The following MEP1A variants were observed in gnomAD, a reference collection of about 807,000 sequenced individuals.
MEP1A encodes meprin A subunit alpha.
In MEP1A, 68 loss-of-function variants were observed where a neutral mutation model predicts 84.5. The observed-to-expected ratio is 0.80, with a 90% CI of 0.66 to 0.98. The LOEUF (loss-of-function observed/expected upper bound fraction) is 0.98, where lower values mean the gene tolerates loss of function less well. MEP1A is among the 50% of genes least tolerant of loss of function. The pLI, the probability that MEP1A is intolerant of heterozygous loss-of-function variation, is 0.00. For synonymous variants in MEP1A, 337 were observed against 336.8 expected, an observed-to-expected ratio of 1.00 and a Z score of -0.01; for missense variants, 887 against 919.9, an observed-to-expected ratio of 0.96 and a Z score of 0.46.
At chr6:46,799,049 G>A (rs1581662523) in intron 4 of MEP1A, 57 bp from the exon 5 acceptor site, 20 of 1,063,198 alleles carry the variant, frequency 1.9e-5, no homozygotes, top group Non-Finnish European at 2.6e-5. Context: ...TGAAGGAGGA[G>A]GTCAAGGTGA....
chr6:46,808,250 G>A (rs1767410798), intron 5 of MEP1A, among the ~76,000 whole-genome samples: 1 of 151,972 alleles, frequency 6.6e-6, no homozygotes, highest in South Asian at 2.1e-4. Flanking sequence ...AAATCTCCCA[G>A]CAGATGTAAT....
rs149605489 is a variant in MEP1A, at chr6:46,834,726, C to T, written c.1758C>T (p.Asp586=). 3,249 of 1,610,820 alleles carry T rather than the reference C, an allele frequency of 2.0e-3. 14 individuals carry two copies. In the Middle Eastern group the frequency reaches 0.026, roughly 13 times the overall value. The part of the protein sequence containing the change: ...LKRRSFLKND[D]LIIFVDFEDI... ...GGAGGAGTTTCCTGAAAAATGATGA[C>T]CTCATCATATTTGTGGACTTTGAAG... The change falls in exon 12 of 14, where the codon GAC becomes GAT. Residue 586 remains aspartate (D), a synonymous_variant. Coordinates refer to ENST00000230588, the MANE Select transcript of MEP1A (RefSeq NM_005588.3).
intron 3 of MEP1A, among the ~76,000 whole-genome samples, chr6:46,797,908 T>G (rs1767097073): frequency 1.7e-5 from 1 of 57,804 alleles, no homozygotes. Context: ...CCTTCCTTCC[T>G]TCCTTCCTTC....
chr6:46,810,227 A>G (rs1176820183), intron 6 of MEP1A, among the ~76,000 whole-genome samples: 2 of 152,016 alleles, frequency 1.3e-5, no homozygotes, highest in Non-Finnish European at 2.9e-5. Flanking sequence ...GTAATGTTGA[A>G]CATGTTTTCA....
chr6:46,805,066 C>A (rs1767284297), intron 5 of MEP1A, among the ~76,000 whole-genome samples: 1 of 151,830 alleles, frequency 6.6e-6, no homozygotes, highest in Non-Finnish European at 1.5e-5. Context: ...TATATCACAG[C>A]TTGTTTAATC....
chr6:46,828,850 A>G (rs1443851402), intron 9 of MEP1A, among the ~76,000 whole-genome samples: 1 of 152,136 alleles, frequency 6.6e-6, no homozygotes, highest in Non-Finnish European at 1.5e-5. Flanking sequence ...AGTAAAGATT[A>G]CTTTTTTGCC....
At chr6:46,812,508 G>A (rs994818771) in intron 6 of MEP1A, among the ~76,000 whole-genome samples, 2 of 151,676 alleles carry the variant, frequency 1.3e-5, no homozygotes, top group Admixed American at 6.6e-5. Context: ...TCTTATGCTG[G>A]GTTTGGATTT....
chr6:46,816,016 A>G (rs1767625544), intron 6 of MEP1A, among the ~76,000 whole-genome samples: 1 of 151,926 alleles, frequency 6.6e-6, no homozygotes, highest in Non-Finnish European at 1.5e-5. Context: ...GGCTCACTGG[A>G]ACCTCCATCT....
chr6:46,823,554 G>C (rs1029791704), intron 7 of MEP1A, among the ~76,000 whole-genome samples: 1 of 152,226 alleles, frequency 6.6e-6, no homozygotes, highest in African/African-American at 2.4e-5. Flanking sequence ...AGAGGTTGCA[G>C]TGAGCTGAGA....
At chr6:46,838,335 G>T (rs1203508346) in intron 13 of MEP1A, among the ~76,000 whole-genome samples, 3 of 152,136 alleles carry the variant, frequency 2.0e-5, no homozygotes, top group Non-Finnish European at 4.4e-5. Flanking sequence ...TTGGTTATGA[G>T]ATTAGTTGAT....
chr6:46,813,420 GCCT>G, intron 6 of MEP1A, among the ~76,000 whole-genome samples: 1 of 151,988 alleles, frequency 6.6e-6, no homozygotes, highest in Non-Finnish European at 1.5e-5. Flanking sequence ...AGCATTAAAT[GCCT>G]ACATCAAAAG....
intron 5 of MEP1A, among the ~76,000 whole-genome samples, chr6:46,805,683 T>C (rs1023391627): frequency 1.3e-5 from 2 of 152,024 alleles, no homozygotes; most frequent in African/African-American, 2.4e-5. Flanking sequence ...TTTCTCTAGT[T>C]GTTTTCAATA....
At chr6:46,818,675 C>T (rs1213465960) in intron 6 of MEP1A, among the ~76,000 whole-genome samples, 2 of 152,288 alleles carry the variant, frequency 1.3e-5, no homozygotes, top group African/African-American at 4.8e-5. Flanking sequence ...GCCTGATACC[C>T]TTCAGAAATA....
At chr6:46,835,651 C>T (rs539858322) in intron 13 of MEP1A, 102 bp downstream of exon 13, 5 of 1,215,860 alleles carry the variant, frequency 4.1e-6, no homozygotes, top group East Asian at 5.0e-5. Flanking sequence ...GCGAAGACTA[C>T]CTCAGATGGT....
intron 6 of MEP1A, among the ~76,000 whole-genome samples, chr6:46,818,310 C>T (rs1265734333): frequency 6.6e-6 from 1 of 151,926 alleles, no homozygotes; most frequent in Non-Finnish European, 1.5e-5. Context: ...ATCTGTTAGC[C>T]TTTGAAGGTA....
chr6:46,833,149 G>A lies in MEP1A; in HGVS notation c.1220G>A (p.Gly407Asp). Residue 407 changes from glycine to aspartate, a missense_variant, in exon 11 of 14, where the codon GGC becomes GAC. Physicochemically the swap from Gly to Asp is moderately conservative, Grantham distance 94. Transcript: ENST00000230588. ...CAGAAGTTTCGCTACCTTTTCCAGG[G>A]CACAAAAGGCGACCCTCAGAACTCA... ...EEQKFRYLFQ[G>D]TKGDPQNSTG... The A allele has an allele frequency of 6.3e-7, 1 of 1,581,500 alleles. No individual in the cohort carries two copies. Among genetic ancestry groups the A allele is most frequent in the Non-Finnish European group, 8.6e-7 (1 of 1,168,102 alleles).
intron 11 of MEP1A, among the ~76,000 whole-genome samples, chr6:46,834,308 G>A (rs9369641): frequency 0.7 from 106,930 of 151,768 alleles, 38,668 homozygotes; most frequent in African/African-American, 0.86. Flanking sequence ...TAAGAAAGTC[G>A]CTCAGTAGCA....
chr6:46,811,324 T>C (rs1767492761), intron 6 of MEP1A, among the ~76,000 whole-genome samples: 1 of 152,176 alleles, frequency 6.6e-6, no homozygotes. Context: ...TAATTTTGTA[T>C]CCTGAAATTT....
chr6:46,808,445 A>G (rs1767414657), intron 5 of MEP1A, among the ~76,000 whole-genome samples: 3 of 152,144 alleles, frequency 2.0e-5, no homozygotes, highest in Admixed American at 1.3e-4. Flanking sequence ...GCCAATAGAT[A>G]TAAACTCTTT....
Sources: allele counts gnomAD v4.1 joint callset (sites outside exome capture counted in the v4.1 genomes callset), GRCh38; gene constraint gnomAD v4.1.1; transcripts MANE v1.5; gene names NCBI Gene and HGNC (gene_info 2026-07-23, HGNC 2026-07-21).